AMBRA1: variants seen among roughly 807,000 people sequenced by gnomAD.
The protein encoded by AMBRA1 is activating molecule in BECN1-regulated autophagy protein 1.
A neutral mutation model predicts 125.4 loss-of-function variants in AMBRA1; 47 were observed. The observed-to-expected ratio is 0.37, with a 90% CI of 0.30 to 0.48. The LOEUF is 0.48. Among genes scored for constraint, AMBRA1 ranks in the 20% least tolerant of loss-of-function variants. The pLI is 0.99. For synonymous variants in AMBRA1, 626 were observed against 655.5 expected, an observed-to-expected ratio of 0.95 and a Z score of 0.69; for missense variants, 1,331 against 1,693.4, an observed-to-expected ratio of 0.79 and a Z score of 3.76.
intron 1 of AMBRA1, among the ~76,000 whole-genome samples, chr11:46,575,512 C>CTTT (rs775796043): frequency 7.1e-4 from 71 of 100,412 alleles, no homozygotes; most frequent in Non-Finnish European, 1.1e-3. Flanking sequence ...TTTTTCTTTC[C>CTTT]TTTTTTTTTT....
At chr11:46,539,418 G>A (rs542204775) in intron 7 of AMBRA1, among the ~76,000 whole-genome samples, 3 of 152,110 alleles carry the variant, frequency 2.0e-5, no homozygotes, top group African/African-American at 4.8e-5. Flanking sequence ...TTAGCCAGGC[G>A]TGGTGGCGCA....
rs1470748320 is a variant in AMBRA1 at position 46,407,361 on chromosome 11, G to A, written c.3403+1152C>T. Reference sequence around the variant, plus strand: ...GCCTGCTGGCTCCATTGAGAAGCCCGTGGTGGTTCCCTTTTGCCTGGCCCT... The same window carrying A: ...GCCTGCTGGCTCCATTGAGAAGCCCATGGTGGTTCCCTTTTGCCTGGCCCT... On this transcript the variant is annotated intron_variant, in intron 17 of 17. Transcript: ENST00000683756. Among the ~76,000 whole-genome samples, 8 of 152,328 alleles carry A rather than the reference G, an allele frequency of 5.3e-5. No individual in the cohort carries two copies. In the South Asian group the frequency reaches 6.2e-4, roughly 12 times the overall value.
At chr11:46,533,668 TG>T (rs2135138112) in intron 7 of AMBRA1, among the ~76,000 whole-genome samples, 1 of 152,348 alleles carries the variant, frequency 6.6e-6, no homozygotes, top group Non-Finnish European at 1.5e-5. Flanking sequence ...TGTGCAGAGT[TG>T]GCCTAGCTTT....
intron 1 of AMBRA1, among the ~76,000 whole-genome samples, chr11:46,574,689 A>G (rs1341862057): frequency 6.6e-6 from 1 of 152,184 alleles, no homozygotes; most frequent in African/African-American, 2.4e-5. Context: ...AGCAAGGTTG[A>G]GAGAACTAAA....
At chr11:46,477,686 A>G (rs1949875246) in intron 11 of AMBRA1, among the ~76,000 whole-genome samples, 1 of 152,088 alleles carries the variant, frequency 6.6e-6, no homozygotes, top group African/African-American at 2.4e-5. Flanking sequence ...TTGAATGCAC[A>G]TGCCTAGGAT....
intron 1 of AMBRA1, among the ~76,000 whole-genome samples, chr11:46,561,106 C>T (rs551141187): frequency 3.9e-5 from 6 of 152,226 alleles, no homozygotes; most frequent in East Asian, 1.9e-4. Flanking sequence ...TTGGGCCAGG[C>T]GCAGTAGCTC....
chr11:46,406,364 C>G (rs574216036), intron 17 of AMBRA1, among the ~76,000 whole-genome samples: 2 of 84,856 alleles, frequency 2.4e-5, no homozygotes, highest in East Asian at 8.4e-4. Context: ...GAGACTCTAT[C>G]TTTAAATTAA....
At chr11:46,405,699 C>T (rs1300561974) in intron 17 of AMBRA1, among the ~76,000 whole-genome samples, 2 of 152,068 alleles carry the variant, frequency 1.3e-5, no homozygotes, top group African/African-American at 4.8e-5. Context: ...GTACTCCAGC[C>T]TGAGTGACAG....
At chr11:46,577,621 T>C (rs1347447742) in intron 1 of AMBRA1, among the ~76,000 whole-genome samples, 2 of 152,076 alleles carry the variant, frequency 1.3e-5, no homozygotes, top group African/African-American at 4.8e-5. Context: ...TGAATTTCAG[T>C]TCAGTAAATC....
rs1365726466 is a variant in AMBRA1, at chr11:46,538,529, T to G, written c.2072+3416A>C. ...TTTTTTTTTAGACGGAGTCTTGCTC[T>G]GTCGCCCAGGCTTGAGTGCAGTGGT... On this transcript the variant is annotated intron_variant, in intron 7 of 17. Coordinates refer to ENST00000683756, the MANE Select transcript of AMBRA1 (RefSeq NM_001387011.1). Among the ~76,000 whole-genome samples the G allele has an allele frequency of 2.0e-5, 3 of 152,238 alleles. No homozygotes were observed. The East Asian group carries it at 5.8e-4, about 29-fold the overall frequency.
At chr11:46,551,115 AG>A (rs1210997343) in intron 1 of AMBRA1, among the ~76,000 whole-genome samples, 2 of 151,120 alleles carry the variant, frequency 1.3e-5, no homozygotes, top group Non-Finnish European at 3.0e-5. Context: ...AAAAAAAAAA[AG>A]AATAGATGTC....
chr11:46,507,661 G>C (rs1004297479), intron 9 of AMBRA1, among the ~76,000 whole-genome samples: 2 of 152,128 alleles, frequency 1.3e-5, no homozygotes, highest in African/African-American at 4.8e-5. Flanking sequence ...TCCTGAATGG[G>C]GGGTAAGAGT....
intron 9 of AMBRA1, among the ~76,000 whole-genome samples, chr11:46,499,640 C>G (rs1950760806): frequency 6.6e-6 from 1 of 151,982 alleles, no homozygotes; most frequent in Admixed American, 6.6e-5. Context: ...CCTCTGCCTA[C>G]TACAGGGGAA....
intron 1 of AMBRA1, among the ~76,000 whole-genome samples, chr11:46,580,164 T>C (rs569656720): frequency 2.6e-5 from 4 of 152,336 alleles, no homozygotes; most frequent in South Asian, 2.1e-4. Context: ...AATCCAACAA[T>C]GTACAGTGAT....
chr11:46,413,189 G>T (rs2136632815), intron 15 of AMBRA1, among the ~76,000 whole-genome samples: 1 of 152,330 alleles, frequency 6.6e-6, no homozygotes, highest in African/African-American at 2.4e-5. Flanking sequence ...CCAGGCAGCA[G>T]CATGGAGCAT....
At chr11:46,485,110 G>A (rs972285007) in intron 11 of AMBRA1, among the ~76,000 whole-genome samples, 7 of 152,014 alleles carry the variant, frequency 4.6e-5, no homozygotes, top group Non-Finnish European at 7.4e-5. Flanking sequence ...GCTAATTTTT[G>A]TATTTTTAGT....
intron 11 of AMBRA1, among the ~76,000 whole-genome samples, chr11:46,489,759 A>G (rs1459632024): frequency 6.6e-6 from 1 of 152,230 alleles, no homozygotes; most frequent in Non-Finnish European, 1.5e-5. Flanking sequence ...ATTACCAGGA[A>G]GCTGTCAAAT....
At chr11:46,564,574 G>GA (rs200963271) in intron 1 of AMBRA1, among the ~76,000 whole-genome samples, 1,540 of 144,930 alleles carry the variant, frequency 0.011, 15 homozygotes, top group Middle Eastern at 0.025. Flanking sequence ...TACAGAAAAA[G>GA]AAAAAAAAAA....
intron 1 of AMBRA1, among the ~76,000 whole-genome samples, chr11:46,575,573 A>G (rs1339964850): frequency 1.4e-5 from 2 of 141,280 alleles, no homozygotes. Context: ...CTGGAGTACA[A>G]TGGTATGATC....
Sources: allele counts gnomAD v4.1 joint callset (sites outside exome capture counted in the v4.1 genomes callset), GRCh38; gene constraint gnomAD v4.1.1; transcripts MANE v1.5; gene names NCBI Gene and HGNC (gene_info 2026-07-23, HGNC 2026-07-21).